Variants in UNC13A observed in about 807,000 individuals in gnomAD.
UNC13A encodes the protein unc-13 homolog A, also known as protein unc-13 homolog A.
A neutral mutation model predicts 219.7 loss-of-function variants in UNC13A; 61 were observed. The observed-to-expected ratio is 0.28, with a 90% CI of 0.23 to 0.34. The LOEUF (loss-of-function observed/expected upper bound fraction) is 0.34. UNC13A is among the 10% of genes least tolerant of loss of function. UNC13A has a pLI of 1.00. For synonymous variants in UNC13A, 920 were observed against 884.6 expected, an observed-to-expected ratio of 1.04 and a Z score of -0.71; for missense variants, 1,476 against 2,270.3, an observed-to-expected ratio of 0.65 and a Z score of 7.11.
chr19:17,657,562 C>T (rs138484115), intron 9 of UNC13A, among the ~76,000 whole-genome samples: 23 of 152,252 alleles, frequency 1.5e-4, no homozygotes, highest in South Asian at 1.2e-3. Flanking sequence ...AGTCATTCAA[C>T]GAACCTTATC....
At chr19:17,675,448 A>G (rs942041014) in intron 2 of UNC13A, among the ~76,000 whole-genome samples, 2 of 151,778 alleles carry the variant, frequency 1.3e-5, no homozygotes, top group Non-Finnish European at 2.9e-5. Context: ...CCTGGCCAAC[A>G]TGGCGAAACC....
intron 12 of UNC13A, among the ~76,000 whole-genome samples, chr19:17,652,110 T>A (rs1483996804): frequency 8.1e-6 from 1 of 123,588 alleles, no homozygotes. Flanking sequence ...GTCTGCTTTA[T>A]CTTACATTTA....
intron 2 of UNC13A, 30 bp downstream of exon 2, chr19:17,675,982 C>G (rs928422138): frequency 3.2e-6 from 5 of 1,550,492 alleles, no homozygotes; most frequent in Non-Finnish European, 4.4e-6. Flanking sequence ...ACAGACAACA[C>G]GGGACAGGAC....
chr19:17,608,198 C>A (rs1046687724), intron 43 of UNC13A, among the ~76,000 whole-genome samples: 2 of 145,966 alleles, frequency 1.4e-5, no homozygotes, highest in Non-Finnish European at 3.0e-5. Context: ...AGGCGCCCAC[C>A]ACAACACACA....
rs1247664537 is a variant in UNC13A at position 17,629,193 on chromosome 19, T to C, written c.3753+47A>G. ...GGGGAGAAGGGAGTCCTGGGGATGC[T>C]GAATGGGGCTGAGGAGGGAGATAGG... On this transcript the variant is annotated intron_variant, in intron 31 of 43. Coordinates refer to ENST00000519716, the MANE Select transcript of UNC13A (RefSeq NM_001080421.3). 3 of 1,518,960 alleles carry C rather than the reference T, an allele frequency of 2.0e-6. No homozygotes were observed. In the South Asian group the frequency reaches 3.6e-5, roughly 18 times the overall value. 94.1% of individuals were successfully genotyped at this position (1,518,960 alleles called of 1,614,324 possible).
chr19:17,672,290 G>A, intron 4 of UNC13A, 88 bp downstream of exon 4: 1 of 1,043,430 alleles, frequency 9.6e-7, no homozygotes, highest in Non-Finnish European at 1.4e-6. Context: ...GGGGATAGGA[G>A]ATAAATGCCC....
At chr19:17,687,358 G>A (rs1388163709) in intron 1 of UNC13A, among the ~76,000 whole-genome samples, 2 of 152,166 alleles carry the variant, frequency 1.3e-5, no homozygotes, top group Admixed American at 1.3e-4. Flanking sequence ...TGGGTGAGGT[G>A]AGGATGGGCC....
At chr19:17,640,751 G>A in intron 21 of UNC13A, 90 bp from the exon 22 acceptor site, 6 of 1,387,776 alleles carry the variant, frequency 4.3e-6, no homozygotes, top group Non-Finnish European at 5.7e-6. Flanking sequence ...TAGCATCTGT[G>A]AGTGGGTCTC....
chr19:17,664,715 C>A (rs1469351914), intron 7 of UNC13A, among the ~76,000 whole-genome samples: 1 of 152,172 alleles, frequency 6.6e-6, no homozygotes, highest in Non-Finnish European at 1.5e-5. Flanking sequence ...GTGATGACCC[C>A]TCCCTGGCCA....
intron 12 of UNC13A, among the ~76,000 whole-genome samples, chr19:17,650,132 C>A (rs1011599660): frequency 1.3e-5 from 2 of 152,104 alleles, no homozygotes; most frequent in Non-Finnish European, 2.9e-5. Flanking sequence ...CCGGCCTCAC[C>A]CTCCTCATCT....
intron 39 of UNC13A, 46 bp from the exon 40 acceptor site, chr19:17,618,547 CT>C: frequency 6.5e-7 from 1 of 1,545,528 alleles, no homozygotes. Context: ...TGGGCTCCAC[CT>C]TTGGAATCTG....
Position 17,618,961 on chromosome 19 carries a change from C to T in UNC13A, c.4274G>A (p.Gly1425Glu). The change falls in exon 39 of 44, where the codon GGA (glycine) becomes GAA (glutamate). Residue 1425 changes from glycine (G) to glutamate (E), a missense_variant and splice_region_variant. Gly to Glu is a moderately conservative substitution (Grantham distance 98, BLOSUM62 -2). Transcript: ENST00000519716. The stretch of plus-strand genomic sequence containing the variant: ...GGCTGCATTGAAGATCATCTGGGTT[C>T]CCTGCAGGTAACAACATACAGCTGG... ...GRVKLPSHSD[G>E]TQMIFNAAKE... 6.2e-7 allele frequency: 1 copy of T among 1,613,976 alleles called. No individual in the cohort carries two copies. The highest frequency in any genetic ancestry group is 8.5e-7 in the Non-Finnish European group (1 of 1,179,860).
chr19:17,675,257 C>T (rs1279013515), intron 2 of UNC13A, among the ~76,000 whole-genome samples: 1 of 151,982 alleles, frequency 6.6e-6, no homozygotes, highest in Non-Finnish European at 1.5e-5. Context: ...TTGCTTGAGC[C>T]TGGGAGGTTG....
chr19:17,683,748 A>G (rs1299397870), intron 1 of UNC13A, among the ~76,000 whole-genome samples: 1 of 152,108 alleles, frequency 6.6e-6, no homozygotes, highest in Admixed American at 6.6e-5. Flanking sequence ...CCTCACCTAA[A>G]TTCACTGATT....
chr19:17,686,180 C>T (rs1390520548), intron 1 of UNC13A, among the ~76,000 whole-genome samples: 3 of 151,774 alleles, frequency 2.0e-5, no homozygotes, highest in South Asian at 2.1e-4. Context: ...CCAGCACAGT[C>T]CTCCCCCAAC....
At position 17,632,792 on chromosome 19, in the gene UNC13A, C is replaced by T; in HGVS notation, c.3418G>A (p.Glu1140Lys). 1 of 1,613,844 alleles carries T rather than the reference C, an allele frequency of 6.2e-7. No individual in the cohort carries two copies. The highest frequency in any genetic ancestry group is 8.5e-7 in the Non-Finnish European group (1 of 1,179,892). The change falls in exon 28 of 44, where the codon GAG becomes AAG. Residue 1140 changes from glutamate (E) to lysine (K), a missense_variant. Coordinates refer to ENST00000519716, the MANE Select transcript of UNC13A (RefSeq NM_001080421.3). Reference protein sequence around the residue: ...ELPAFKDRVPEYPAWFEPFVI... With the variant: ...ELPAFKDRVPKYPAWFEPFVI... Reference sequence around the variant, plus strand: ...GGGCAGGGGACTTACGCAGGGTACTCAGGCACGCGGTCCTTGAAGGCGGGA... The same window carrying T: ...GGGCAGGGGACTTACGCAGGGTACTTAGGCACGCGGTCCTTGAAGGCGGGA...
In UNC13A at chr19:17,627,937, A is replaced by T; in HGVS notation, c.3757T>A (p.Cys1253Ser). The stretch of plus-strand genomic sequence containing the variant: ...TGTTGAGTGTTATTCATGAGAATGC[A>T]GGGCTGTGGGTGGGAACAGAGAGGG... ...YCSKEKEKVP[C>S]ILMNNTQQLR... Residue 1253 changes from cysteine (C) to serine (S), a missense_variant, in exon 32 of 44, where the codon TGC becomes AGC. By Grantham distance (112) the Cys-to-Ser change is moderately radical. Transcript: ENST00000519716. This position sits in a 1 kb window ranked among gnomAD's most constrained non-coding sequence, Gnocchi z 4.7. 1 of 1,592,282 alleles carries T rather than the reference A, an allele frequency of 6.3e-7. No homozygotes were observed. The highest frequency in any genetic ancestry group is 8.6e-7 in the Non-Finnish European group (1 of 1,167,494).
At chr19:17,677,088 C>T (rs987393442) in intron 1 of UNC13A, among the ~76,000 whole-genome samples, 4 of 152,130 alleles carry the variant, frequency 2.6e-5, no homozygotes, top group Non-Finnish European at 5.9e-5. Flanking sequence ...TGTCCAGCCC[C>T]ACCTGCTTGT....
rs1461647663 is a variant in UNC13A, at chr19:17,606,037, T to TCGGCCGACCGCC, written c.*5_*16dup. 16 of 1,479,626 alleles carry TCGGCCGACCGCC rather than the reference T, an allele frequency of 1.1e-5. No homozygotes were observed. The Admixed American group carries it at 4.2e-4, about 39-fold the overall frequency. 91.7% of individuals were successfully genotyped at this position (1,479,626 alleles called of 1,614,324 possible). The stretch of plus-strand genomic sequence containing the variant: ...GCCCTCCGCGCAGGCGCAGTGCCGC[T>TCGGCCGACCGCC]CGGCCGACCGCCCGCGCTAAGGCGC... On this transcript the variant is annotated 3_prime_UTR_variant, in exon 44 of 44. Transcript: ENST00000519716.
Sources: allele counts gnomAD v4.1 joint callset (sites outside exome capture counted in the v4.1 genomes callset), GRCh38; gene constraint gnomAD v4.1.1; non-coding constraint Gnocchi (gnomAD v3.1); transcripts MANE v1.5; gene names NCBI Gene and HGNC (gene_info 2026-07-23, HGNC 2026-07-21).